RELB: variants seen among roughly 807,000 people sequenced by gnomAD.
The protein encoded by RELB is transcription factor RelB.
In RELB, 14 loss-of-function variants were observed where a neutral mutation model predicts 55.4. The observed-to-expected ratio is 0.25, with a 90% CI of 0.17 to 0.40. The LOEUF is 0.40. Among genes scored for constraint, RELB ranks in the 10% least tolerant of loss-of-function variants. RELB has a pLI of 1.00. For synonymous variants in RELB, 409 were observed against 371.3 expected (o/e 1.10, Z -1.17); for missense variants, 669 against 830.7 (o/e 0.81, Z 2.39).
rs370635437 is a variant in RELB, at chr19:45,012,087, G to A, written c.315G>A (p.Pro105=). The A allele has an allele frequency of 4.1e-4, 632 of 1,551,664 alleles. 1 individual carries two copies. The highest frequency in any genetic ancestry group is 4.9e-4 in the Non-Finnish European group (561 of 1,154,514). Residue 105 remains proline (P), a synonymous_variant, in exon 4 of 12, where the codon CCG becomes CCA. Transcript: ENST00000221452. The part of the protein sequence containing the change: ...LGPVAPPATP[P]PWGCPLGRLV... ...CTGTGGCGCCCCCAGCCACGCCGCC[G>A]CCTTGGGGCTGCCCCCTGGGCCGAC...
intron 8 of RELB, among the ~76,000 whole-genome samples, chr19:45,031,508 T>G (rs1971620483): frequency 6.6e-6 from 1 of 152,184 alleles, no homozygotes; most frequent in African/African-American, 2.4e-5. Context: ...TATGCTGTCT[T>G]GTGAGTCCTC....
In RELB at chr19:45,009,111, C is replaced by T. The variant is rs1406104121; in HGVS notation, c.155-703C>T. Reference sequence around the variant, plus strand: ...TTGTTGTTTGTTTTTGAGACAGTCTCGCTCTGTTGTCCAGGCTGGAGTGCA... The same window carrying T: ...TTGTTGTTTGTTTTTGAGACAGTCTTGCTCTGTTGTCCAGGCTGGAGTGCA... On this transcript the variant is annotated intron_variant, in intron 2 of 11. Coordinates refer to ENST00000221452, the MANE Select transcript of RELB (RefSeq NM_006509.4). 2.6e-5 allele frequency among the ~76,000 whole-genome samples: 4 copies of T among 152,168 alleles called. No individual in the cohort carries two copies. The East Asian group carries it at 5.8e-4, about 22-fold the overall frequency.
chr19:45,036,431 C>T (rs1460236868), intron 11 of RELB, among the ~76,000 whole-genome samples: 1 of 152,144 alleles, frequency 6.6e-6, no homozygotes. Context: ...CTTAAGTCCC[C>T]ATTATGCCTG....
Position 45,037,445 on chromosome 19 carries a change from C to T in RELB, c.1395C>T (p.Asp465=), listed in dbSNP as rs1971703208. 1.9e-6 allele frequency: 3 copies of T among 1,602,852 alleles called. No individual in the cohort carries two copies. Among genetic ancestry groups the T allele is most frequent in the Non-Finnish European group, 1.7e-6 (2 of 1,177,226 alleles). The change falls in exon 12 of 12, where the codon GAC becomes GAT. Residue 465 remains aspartate, a synonymous_variant. Transcript: ENST00000221452. ...CGTCAGCCCTGCTGCCAGACCCTGACTTCTTCTCTGGCACCGTGTCCCTGC... is the reference window on the plus strand; with the variant it reads ...CGTCAGCCCTGCTGCCAGACCCTGATTTCTTCTCTGGCACCGTGTCCCTGC... ...LPPSALLPDP[D]FFSGTVSLPG... is the part of the protein sequence containing the mutation.
In RELB at chr19:45,025,181, C is replaced by A. The variant is rs376070848; in HGVS notation, c.663-148C>A. On this transcript the variant is annotated intron_variant, in intron 5 of 11. Coordinates refer to ENST00000221452, the MANE Select transcript of RELB (RefSeq NM_006509.4). ...CCTTCTGAGAGGTTTAAACCCCAGACCGTTTCTAATGCTGGGACCCCTGGG... is the reference window on the plus strand; with the variant it reads ...CCTTCTGAGAGGTTTAAACCCCAGAACGTTTCTAATGCTGGGACCCCTGGG... The A allele has an allele frequency of 1.4e-4, 88 of 643,060 alleles. No individual in the cohort carries two copies. In the East Asian group the frequency reaches 2.0e-3, roughly 15 times the overall value. 39.8% of individuals were successfully genotyped at this position (643,060 alleles called of 1,614,324 possible). A position where few individuals can be genotyped will look rare whatever the true frequency, so the allele number is the denominator to read the frequency against.
intron 8 of RELB, among the ~76,000 whole-genome samples, chr19:45,029,845 G>A (rs1971600012): frequency 6.6e-6 from 1 of 151,636 alleles, no homozygotes. Context: ...GCAAAGCTCT[G>A]TCTCAAAAAA....
At chr19:45,028,857 T>G in intron 7 of RELB, 31 bp from the exon 8 acceptor site, 1 of 1,539,978 alleles carries the variant, frequency 6.5e-7, no homozygotes, top group South Asian at 1.2e-5. Flanking sequence ...GGATTTTTTT[T>G]AATACACTTC....
At chr19:45,020,009 C>T (rs947192660) in intron 4 of RELB, among the ~76,000 whole-genome samples, 2 of 152,060 alleles carry the variant, frequency 1.3e-5, no homozygotes, top group African/African-American at 2.4e-5. Flanking sequence ...TCCCCCACCT[C>T]GGCCTCCCAA....
chr19:45,038,040 C>A lies in RELB; in HGVS notation c.*250C>A. Reference sequence around the variant, plus strand: ...ACTAGCTTGTTACAGCTGCCTCTGTCCCCACATGTGGGGGCACCTTCTCCA... The same window carrying A: ...ACTAGCTTGTTACAGCTGCCTCTGTACCCACATGTGGGGGCACCTTCTCCA... On this transcript the variant is annotated 3_prime_UTR_variant, in exon 12 of 12. Transcript: ENST00000221452. 2.5e-6 allele frequency: 1 copy of A among 402,736 alleles called. No individual in the cohort carries two copies. The highest frequency in any genetic ancestry group is 4.4e-6 in the Non-Finnish European group (1 of 228,120). The allele number at this position is 402,736 out of a possible 1,614,324, so 24.9% of individuals were successfully genotyped here.
At chr19:45,011,760 G>C (rs1324623165) in intron 3 of RELB, among the ~76,000 whole-genome samples, 176 bp from the exon 4 acceptor site, 3 of 24,252 alleles carry the variant, frequency 1.2e-4, no homozygotes, top group Non-Finnish European at 2.3e-4. Flanking sequence ...CTGACTCTGT[G>C]TGTGTGTGTG....
rs375167072 is a variant in RELB, at chr19:45,002,980, C to T, written c.138C>T (p.Ala46=). ...GSPDLSSLSL[A]VSRSTDELEI... is the part of the protein sequence containing the mutation. ...CCGACCTCTCCTCACTCTCGCTCGC[C>T]GTTTCCAGGAGCACAGGTGAGCAGC... is the stretch of plus-strand genomic sequence containing the variant. The change falls in exon 2 of 12, where the codon GCC becomes GCT. Residue 46 remains alanine, a synonymous_variant. Coordinates refer to ENST00000221452, the MANE Select transcript of RELB (RefSeq NM_006509.4). 2.4e-5 allele frequency: 39 copies of T among 1,613,282 alleles called. No homozygotes were observed. In the African/African-American group the frequency reaches 4.8e-4, roughly 20 times the overall value.
intron 5 of RELB, among the ~76,000 whole-genome samples, 166 bp from the exon 6 acceptor site, chr19:45,025,163 A>G (rs545324624): frequency 1.3e-5 from 2 of 151,954 alleles, no homozygotes; most frequent in East Asian, 3.9e-4. Context: ...TGGCCTTCTG[A>G]GAGGTTTAAA....
At chr19:45,028,499 AAT>A (rs1971583880) in intron 7 of RELB, among the ~76,000 whole-genome samples, 2 of 150,606 alleles carry the variant, frequency 1.3e-5, no homozygotes, top group Admixed American at 1.3e-4. Flanking sequence ...ACACCCAGCT[AAT>A]TTTTGTATTT....
chr19:45,031,042 A>G (rs1376989434), intron 8 of RELB, among the ~76,000 whole-genome samples: 1 of 152,168 alleles, frequency 6.6e-6, no homozygotes, highest in Admixed American at 6.6e-5. Flanking sequence ...GAGGCAATCT[A>G]TATGTAACTG....
chr19:45,036,246 T>G (rs1208975130), intron 11 of RELB, among the ~76,000 whole-genome samples: 1 of 152,098 alleles, frequency 6.6e-6, no homozygotes, highest in Non-Finnish European at 1.5e-5. Context: ...CTAATTTTTG[T>G]ATTTTTGGGA....
intron 5 of RELB, among the ~76,000 whole-genome samples, chr19:45,023,600 G>A (rs1315036263): frequency 6.6e-6 from 1 of 151,436 alleles, no homozygotes; most frequent in East Asian, 1.9e-4. Context: ...ACCACACCCG[G>A]CTATTTTTTT....
At chr19:45,037,328 G>A in intron 11 of RELB, 77 bp from the exon 12 acceptor site, 7 of 1,402,070 alleles carry the variant, frequency 5.0e-6, no homozygotes, top group Non-Finnish European at 6.6e-6. Context: ...TTTGCAGGGA[G>A]TAGGGCATTT....
chr19:45,019,334 G>A (rs1439550995), intron 4 of RELB, among the ~76,000 whole-genome samples: 1 of 152,074 alleles, frequency 6.6e-6, no homozygotes, highest in East Asian at 1.9e-4. Flanking sequence ...AAAGTGCTGG[G>A]ATTACAGGTG....
At position 45,023,166 on chromosome 19, in the gene RELB, G is replaced by A. The variant is rs944208216; in HGVS notation, c.662+956G>A. 5.3e-5 allele frequency among the ~76,000 whole-genome samples: 8 copies of A among 152,094 alleles called. No homozygotes were observed. The East Asian group carries it at 7.7e-4, about 15-fold the overall frequency. On this transcript the variant is annotated intron_variant, in intron 5 of 11. Coordinates refer to ENST00000221452, the MANE Select transcript of RELB (RefSeq NM_006509.4). ...TCTCTTACATTCCCTGCTGTATTCC[G>A]AGTGTCTGGCATAGTAACTGGCACA...
Sources: allele counts gnomAD v4.1 joint callset (sites outside exome capture counted in the v4.1 genomes callset), GRCh38; gene constraint gnomAD v4.1.1; transcripts MANE v1.5; gene names NCBI Gene and HGNC (gene_info 2026-07-23, HGNC 2026-07-21).